TMEM74: variants seen among roughly 807,000 people sequenced by gnomAD.
TMEM74 encodes the protein transmembrane protein 74.
Under a neutral mutation model 18.1 loss-of-function variants are expected in TMEM74, and 13 were observed. The ratio of observed to expected loss-of-function variants is 0.72; its 90% CI spans 0.47 to 1.14. TMEM74 has a LOEUF of 1.14. Among genes scored for constraint, TMEM74 ranks in the 50% most tolerant of loss-of-function variants. The pLI, the probability that TMEM74 is intolerant of heterozygous loss-of-function variation, is 0.00. For missense variants in TMEM74, 372 were observed against 375.9 expected, an observed-to-expected ratio of 0.99 and a Z score of 0.09; for synonymous variants, 159 against 146.6, an observed-to-expected ratio of 1.08 and a Z score of -0.61.
At chr8:108,617,674 A>G (rs2935776) in intron 2 of TMEM74, among the ~76,000 whole-genome samples, 33,136 of 151,964 alleles carry the variant, frequency 0.22, 3,648 homozygotes, top group East Asian at 0.27. Context: ...CCCAGACCCC[A>G]TAAAAATGGA....
chr8:108,769,358 C>A (rs1814146044), intron 1 of TMEM74, among the ~76,000 whole-genome samples: 1 of 152,012 alleles, frequency 6.6e-6, no homozygotes, highest in Non-Finnish European at 1.5e-5. Context: ...CATCATAGAT[C>A]TTCAAAGTCC....
chr8:108,730,924 C>T lies in TMEM74; in HGVS notation n.119+56552G>A, dbSNP rs560071517. Among the ~76,000 whole-genome samples the T allele has an allele frequency of 4.4e-3, 676 of 152,254 alleles. 1 individual carries two copies. The highest frequency in any genetic ancestry group is 7.1e-3 in the Non-Finnish European group (480 of 68,014). ...GGATTACAGGCGTGAGCCACCGCGC[C>T]CTGCCACCATGTGTTCTTATAAAGT... On this transcript the variant is annotated intron_variant and non_coding_transcript_variant, in intron 1 of 3. Coordinates refer to the TMEM74 transcript ENST00000518838.
At chr8:108,651,788 A>AT (rs138631517) in intron 2 of TMEM74, among the ~76,000 whole-genome samples, 56 of 151,074 alleles carry the variant, frequency 3.7e-4, no homozygotes, top group East Asian at 7.8e-4. Context: ...GAGAAGAGTT[A>AT]TTTTTTTTTG....
At chr8:108,766,028 A>C (rs933001501) in intron 1 of TMEM74, among the ~76,000 whole-genome samples, 3 of 152,188 alleles carry the variant, frequency 2.0e-5, no homozygotes, top group Non-Finnish European at 4.4e-5. Flanking sequence ...GCATAATCTA[A>C]TTAACAATGA....
intron 1 of TMEM74, among the ~76,000 whole-genome samples, chr8:108,748,925 G>T (rs1429542035): frequency 2.0e-5 from 3 of 152,022 alleles, no homozygotes; most frequent in Non-Finnish European, 4.4e-5. Context: ...TCTTATTTCT[G>T]GTTCTCCATT....
chr8:108,625,354 T>G (rs1812483522), intron 2 of TMEM74, among the ~76,000 whole-genome samples: 1 of 152,046 alleles, frequency 6.6e-6, no homozygotes. Context: ...CAAATCAAAA[T>G]GTGATGAGGT....
chr8:108,723,145 AGAT>A (rs1369827826), intron 1 of TMEM74, among the ~76,000 whole-genome samples: 4 of 152,200 alleles, frequency 2.6e-5, no homozygotes, highest in Admixed American at 1.3e-4. Context: ...CCTGTGAGGC[AGAT>A]GAGATGTGTG....
chr8:108,731,675 G>C (rs955622069), intron 1 of TMEM74, among the ~76,000 whole-genome samples: 1 of 152,102 alleles, frequency 6.6e-6, no homozygotes, highest in Non-Finnish European at 1.5e-5. Context: ...TCTTAACAGA[G>C]GTAGCTAGCC....
chr8:108,729,458 T>A (rs1230384388), intron 1 of TMEM74, among the ~76,000 whole-genome samples: 1 of 152,240 alleles, frequency 6.6e-6, no homozygotes, highest in Non-Finnish European at 1.5e-5. Context: ...GGAATGTTCA[T>A]CACATCTGCA....
At chr8:108,706,558 C>T (rs1001641319) in intron 1 of TMEM74, among the ~76,000 whole-genome samples, 1 of 151,980 alleles carries the variant, frequency 6.6e-6, no homozygotes, top group Non-Finnish European at 1.5e-5. Context: ...AATCATTGAC[C>T]CTTAATAGGT....
chr8:108,778,674 G>C (rs1284306561), downstream of TMEM74, among the ~76,000 whole-genome samples: 1 of 152,040 alleles, frequency 6.6e-6, no homozygotes, highest in African/African-American at 2.4e-5. Context: ...TAAAATTCCA[G>C]TTAATAATAT....
intron 2 of TMEM74, among the ~76,000 whole-genome samples, chr8:108,651,085 T>C (rs1371420797): frequency 6.6e-6 from 1 of 152,190 alleles, no homozygotes; most frequent in South Asian, 2.1e-4. Context: ...TTTTATGTCT[T>C]AATCTTCTCC....
Position 108,785,012 on chromosome 8 carries a change from G to T in TMEM74, c.87C>A (p.Asp29Glu). The T allele has an allele frequency of 6.2e-7, 1 of 1,614,146 alleles. No individual in the cohort carries two copies. The highest frequency in any genetic ancestry group is 8.5e-7 in the Non-Finnish European group (1 of 1,180,030). The change falls in exon 2 of 2, where the codon GAC becomes GAA. Residue 29 changes from aspartate (D) to glutamate (E), a missense_variant. Coordinates refer to ENST00000297459, the MANE Select transcript of TMEM74 (RefSeq NM_153015.3). ...CTCTTGTGGCTGCTGTATCTGCCTG[G>T]TCACCAGGCAGCCCTCTTGAACTCC... The part of the protein sequence containing the change: ...RDWSSRGLPG[D>E]QADTAATRAA...
chr8:108,681,364 A>G (rs1813113359), intron 1 of TMEM74, among the ~76,000 whole-genome samples: 1 of 152,264 alleles, frequency 6.6e-6, no homozygotes, highest in South Asian at 2.1e-4. Context: ...ATAATGCTGC[A>G]TATCTACAAC....
At chr8:108,731,949 A>G (rs192040787) in intron 1 of TMEM74, among the ~76,000 whole-genome samples, 15 of 152,052 alleles carry the variant, frequency 9.9e-5, no homozygotes, top group Admixed American at 7.2e-4. Context: ...TCCTAAGTCA[A>G]CTTATTTTTT....
At chr8:108,778,067 G>A (rs144927496), downstream of TMEM74, among the ~76,000 whole-genome samples, 798 of 152,152 alleles carry the variant, frequency 5.2e-3, 12 homozygotes, top group African/African-American at 0.019. Flanking sequence ...CAGTATAAAT[G>A]TATTAATATT....
rs527956869 is a variant in TMEM74, at chr8:108,622,906, C to T, written n.265-14080G>A. On this transcript the variant is annotated intron_variant and non_coding_transcript_variant, in intron 2 of 3. Coordinates refer to the TMEM74 transcript ENST00000518838. Reference sequence around the variant, plus strand: ...TATTAAATACTTACTGTACACCAGGCATATTTTATGTGCTAAGAATACAAA... The same window carrying T: ...TATTAAATACTTACTGTACACCAGGTATATTTTATGTGCTAAGAATACAAA... Among the ~76,000 whole-genome samples the T allele has an allele frequency of 8.9e-4, 136 of 152,136 alleles. 1 individual carries two copies. Among genetic ancestry groups the T allele is most frequent in the Non-Finnish European group, 1.5e-3 (104 of 67,970 alleles).
intron 1 of TMEM74, among the ~76,000 whole-genome samples, chr8:108,742,588 C>T (rs1813812826): frequency 6.6e-6 from 1 of 152,178 alleles, no homozygotes; most frequent in Non-Finnish European, 1.5e-5. Context: ...TATTCTTATT[C>T]TATCCTATTT....
In TMEM74 at chr8:108,784,868, C is replaced by T. The variant is rs1468498521; in HGVS notation, c.231G>A (p.Gln77=). 1 of 1,614,164 alleles carries T rather than the reference C, an allele frequency of 6.2e-7. No individual in the cohort carries two copies. Among genetic ancestry groups the T allele is most frequent in the East Asian group, 2.2e-5 (1 of 44,878 alleles). Residue 77 remains glutamine, a synonymous_variant, in exon 2 of 2, where the codon CAG becomes CAA. Coordinates refer to ENST00000297459, the MANE Select transcript of TMEM74 (RefSeq NM_153015.3). ...PSSSLQNSTL[Q]PDAFPPGLLH... Reference sequence around the variant, plus strand: ...GAAGTCCTGGTGGAAAGGCATCTGGCTGAAGAGTACTGTTTTGCAGAGAGG... The same window carrying T: ...GAAGTCCTGGTGGAAAGGCATCTGGTTGAAGAGTACTGTTTTGCAGAGAGG...
Sources: gnomAD v4.1 joint callset for allele counts (sites outside exome capture counted in the v4.1 genomes callset) on GRCh38, gnomAD v4.1.1 for gene constraint, MANE v1.5 for transcripts, NCBI Gene and HGNC (gene_info 2026-07-23, HGNC 2026-07-21) for gene names.